Variants in TMCO5A observed in about 807,000 individuals in gnomAD.
TMCO5A encodes the protein transmembrane and coiled-coil domains 5A.
In TMCO5A, 34 loss-of-function variants were observed where a neutral mutation model predicts 42.3. The observed-to-expected ratio is 0.80, with a 90% CI of 0.61 to 1.07. The LOEUF (loss-of-function observed/expected upper bound fraction) is 1.07, where lower values mean the gene tolerates loss of function less well. Ranked by LOEUF, TMCO5A falls within the 50% of genes least tolerant of loss-of-function variation. The pLI is 0.00. For missense variants in TMCO5A, 357 were observed against 327.9 expected, an observed-to-expected ratio of 1.09 and a Z score of -0.69; for synonymous variants, 131 against 115.6, an observed-to-expected ratio of 1.13 and a Z score of -0.86.
At chr15:38,018,850 T>C in the TMCO5A span, among the ~76,000 whole-genome samples, 1 of 152,066 alleles carries the variant, frequency 6.6e-6, no homozygotes, top group East Asian at 1.9e-4. Flanking sequence ...CACAACAATT[T>C]ATGCATAAGA....
chr15:37,973,879 TATG>T, the TMCO5A span, among the ~76,000 whole-genome samples: 1 of 152,004 alleles, frequency 6.6e-6, no homozygotes, highest in Non-Finnish European at 1.5e-5. Flanking sequence ...GCCCATTCAG[TATG>T]ATGTTTGCTG....
At position 37,934,690 on chromosome 15, in the gene TMCO5A, G is replaced by A. The variant is rs945571582; in HGVS notation, c.-107G>A. ...CAGGAAGACAAGACACATCAAAAAG[G>A]GGAGGTAGAGTTTGTAGAAGAAATA... On this transcript the variant is annotated 5_prime_UTR_variant, in exon 1 of 12. Coordinates refer to ENST00000319669, the MANE Select transcript of TMCO5A (RefSeq NM_152453.4). 17 of 152,114 alleles carry A rather than the reference G, an allele frequency of 1.1e-4. No homozygotes were observed. The highest frequency in any genetic ancestry group is 4.1e-4 in the African/African-American group (17 of 41,404). The allele number at this position is 152,114 out of a possible 1,614,324, so 9.4% of individuals were successfully genotyped here.
At chr15:37,996,853 C>T in the TMCO5A span, among the ~76,000 whole-genome samples, 1 of 152,198 alleles carries the variant, frequency 6.6e-6, no homozygotes, top group African/African-American at 2.4e-5. Flanking sequence ...GAAGGCACCA[C>T]TTACCATTAC....
chr15:38,035,421 C>T, the TMCO5A span, among the ~76,000 whole-genome samples: 1 of 152,180 alleles, frequency 6.6e-6, no homozygotes, highest in Non-Finnish European at 1.5e-5. Context: ...CCAAACCAAT[C>T]TTTTCCTCCC....
chr15:38,000,355 G>T, the TMCO5A span, among the ~76,000 whole-genome samples: 2 of 151,910 alleles, frequency 1.3e-5, no homozygotes, highest in Non-Finnish European at 2.9e-5. Flanking sequence ...CTGTGGTATT[G>T]GTTGTAATGT....
downstream of TMCO5A, among the ~76,000 whole-genome samples, chr15:37,970,981 T>C (rs1890663422): frequency 6.6e-6 from 1 of 152,214 alleles, no homozygotes. Context: ...AAGCTGTCAG[T>C]GGATCTACCA....
chr15:38,032,299 G>C, the TMCO5A span, among the ~76,000 whole-genome samples: 1 of 152,154 alleles, frequency 6.6e-6, no homozygotes, highest in African/African-American at 2.4e-5. Context: ...TTCCTCAGTA[G>C]ATTTCCCCAT....
intron 10 of TMCO5A, among the ~76,000 whole-genome samples, chr15:37,945,379 G>A (rs536192211): frequency 2.2e-4 from 33 of 152,114 alleles, no homozygotes; most frequent in African/African-American, 7.5e-4. Flanking sequence ...ATATTCCTTT[G>A]GGTATATACC....
At chr15:37,988,648 T>C in the TMCO5A span, among the ~76,000 whole-genome samples, 1 of 152,076 alleles carries the variant, frequency 6.6e-6, no homozygotes, top group African/African-American at 2.4e-5. Flanking sequence ...GTGTATTACA[T>C]TGATCAATTT....
chr15:37,975,981 G>A, the TMCO5A span, among the ~76,000 whole-genome samples: 80 of 254 alleles, frequency 0.31, 1 homozygote, highest in East Asian at 0.44. Flanking sequence ...GGGGCCTCAC[G>A]CCTGTAATCC....
At chr15:37,966,424 T>C (rs1178682123) in intron 11 of TMCO5A, among the ~76,000 whole-genome samples, 1 of 152,200 alleles carries the variant, frequency 6.6e-6, no homozygotes, top group Admixed American at 6.5e-5. Context: ...AGGAGATGGG[T>C]ACATCATTTT....
At chr15:37,946,222 G>C (rs1344237763) in intron 10 of TMCO5A, among the ~76,000 whole-genome samples, 1 of 151,960 alleles carries the variant, frequency 6.6e-6, no homozygotes, top group Non-Finnish European at 1.5e-5. Context: ...ATTGGTCTAT[G>C]TGTCTGTTTT....
At chr15:37,981,210 A>AC in the TMCO5A span, among the ~76,000 whole-genome samples, 1 of 151,228 alleles carries the variant, frequency 6.6e-6, no homozygotes, top group Non-Finnish European at 1.5e-5. Flanking sequence ...CAAAAAAAAA[A>AC]AAAAAAAAAA....
chr15:38,017,707 G>T, the TMCO5A span, among the ~76,000 whole-genome samples: 1 of 152,014 alleles, frequency 6.6e-6, no homozygotes, highest in East Asian at 1.9e-4. Flanking sequence ...TCTGAGTAAG[G>T]GTACTCAGAG....
downstream of TMCO5A, among the ~76,000 whole-genome samples, chr15:37,972,436 G>C (rs1890692556): frequency 6.6e-6 from 1 of 152,094 alleles, no homozygotes; most frequent in Non-Finnish European, 1.5e-5. Flanking sequence ...CTGCAACTTT[G>C]TCAGCATTTG....
chr15:38,027,685 C>T, the TMCO5A span, among the ~76,000 whole-genome samples: 4 of 152,128 alleles, frequency 2.6e-5, no homozygotes, highest in Non-Finnish European at 2.9e-5. Context: ...CCACCCAAAT[C>T]TCACCTTGAA....
At chr15:38,032,183 G>A in the TMCO5A span, among the ~76,000 whole-genome samples, 7 of 152,130 alleles carry the variant, frequency 4.6e-5, no homozygotes, top group African/African-American at 1.2e-4. Context: ...TCAAACTCCC[G>A]ACCTCAGGTG....
At chr15:38,040,021 CACTG>C in the TMCO5A span, 1 of 152,282 alleles carries the variant, frequency 6.6e-6, no homozygotes, top group Non-Finnish European at 1.5e-5. Context: ...CTCAGCTCTT[CACTG>C]ACTGTCCTCA....
At chr15:38,010,590 C>G in the TMCO5A span, among the ~76,000 whole-genome samples, 1 of 151,970 alleles carries the variant, frequency 6.6e-6, no homozygotes, top group Admixed American at 6.6e-5. Context: ...TGTGGTCCTG[C>G]TAACACCGTA....
Sources: gnomAD v4.1 joint callset for allele counts (sites outside exome capture counted in the v4.1 genomes callset) on GRCh38, gnomAD v4.1.1 for gene constraint, MANE v1.5 for transcripts, NCBI Gene and HGNC (gene_info 2026-07-23, HGNC 2026-07-21) for gene names.